USP17L2: variants seen among roughly 807,000 people sequenced by gnomAD.
USP17L2 encodes the protein ubiquitin specific peptidase 17 like family member 2.
USP17L2 carries 29 observed loss-of-function variants against 39.8 expected under a neutral mutation model. That is an observed-to-expected ratio of 0.73 (90% CI 0.54 to 0.99). USP17L2 has a LOEUF of 0.99. Among genes scored for constraint, USP17L2 ranks in the 50% least tolerant of loss-of-function variants. USP17L2 has a pLI of 0.00. For synonymous variants in USP17L2, 231 were observed against 252.7 expected (o/e 0.91, Z 0.81); for missense variants, 567 against 647.2 (o/e 0.88, Z 1.35).
rs1228574776 is a variant in USP17L2, at chr8:12,136,677, T to C, written c.*491A>G. On this transcript the variant is annotated 3_prime_UTR_variant, in exon 1 of 1. Transcript: ENST00000333796. ...AAAGAAGAGCACCGTTCCTATCTTC[T>C]AAATGCATTCCAGTTTCCACTATTC... Among the ~76,000 whole-genome samples, 1 of 140,472 alleles carries C rather than the reference T, an allele frequency of 7.1e-6. No individual in the cohort carries two copies. The highest frequency in any genetic ancestry group is 1.5e-5 in the Non-Finnish European group (1 of 64,862). 92.2% of individuals were successfully genotyped at this position (140,472 alleles called of 152,430 possible). A position where few individuals can be genotyped will look rare whatever the true frequency, so the allele number is the denominator to read the frequency against.
In USP17L2 at chr8:12,137,967, T is replaced by C. The variant is rs772322528; in HGVS notation, c.794A>G (p.Lys265Arg). Reference sequence around the variant, plus strand: ...GGCAGAAGTGTGTAAAGTTAACGTCTTGGAGGCCGGCGCCCTCTGGAGACA... The same window carrying C: ...GGCAGAAGTGTGTAAAGTTAACGTCCTGGAGGCCGGCGCCCTCTGGAGACA... ...GLCLQRAPAS[K>R]TLTLHTSAKV... Residue 265 changes from lysine to arginine, a missense_variant, in exon 1 of 1, where the codon AAG (lysine) becomes AGG (arginine). This residue lies in a region of USP17L2 where 65 missense variants were observed against 84.8 expected (regional missense o/e 0.77). Transcript: ENST00000333796. 1.3e-5 allele frequency: 19 copies of C among 1,518,228 alleles called. 3 individuals are homozygous for C. The Admixed American group carries it at 1.3e-4, about 10-fold the overall frequency. 94.0% of individuals were successfully genotyped at this position (1,518,228 alleles called of 1,614,324 possible).
rs371265427 is a variant in USP17L2 at position 12,137,449 on chromosome 8, T to G, written c.1312A>C (p.Lys438Gln). 1.0e-4 allele frequency: 156 copies of G among 1,532,554 alleles called. 18 individuals are homozygous for G. In the African/African-American group the frequency reaches 2.0e-3, roughly 19 times the overall value. The allele number at this position is 1,532,554 out of a possible 1,614,324, so 94.9% of individuals were successfully genotyped here. ...GTTTTGTTTTGCTCTTGGGGGAATTTCCAGTGGTCTAAGGTGCTTTCCTGA... is the reference window on the plus strand; with the variant it reads ...GTTTTGTTTTGCTCTTGGGGGAATTGCCAGTGGTCTAAGGTGCTTTCCTGA... ...ATQESTLDHW[K>Q]FPQEQNKTKP... Residue 438 changes from lysine to glutamine, a missense_variant, in exon 1 of 1, where the codon AAA (lysine) becomes CAA (glutamine). Physicochemically the swap from Lys to Gln is moderately conservative, Grantham distance 53 (BLOSUM62 1). Transcript: ENST00000333796.
Position 12,138,255 on chromosome 8 carries a change from A to G in USP17L2, c.506T>C (p.Val169Ala), listed in dbSNP as rs1399893723. The G allele has an allele frequency of 3.0e-6, 4 of 1,350,846 alleles. 1 individual carries two copies. The highest frequency in any genetic ancestry group is 3.1e-6 in the Non-Finnish European group (3 of 976,114). The allele number at this position is 1,350,846 out of a possible 1,614,324, so 83.7% of individuals were successfully genotyped here. ...AAGGCATGCCTTTTTCATGGCATCC[A>G]CAGTGAACATGAGAAATTCATGGGC... The part of the protein sequence containing the change: ...EDAHEFLMFT[V>A]DAMKKACLPG... The change falls in exon 1 of 1, where the codon GTG (valine) becomes GCG (alanine). Residue 169 changes from valine to alanine, a missense_variant. This residue lies in a region of USP17L2 where 67 missense variants were observed against 122.8 expected (regional missense o/e 0.55). Transcript: ENST00000333796.
rs766245208 is a variant in USP17L2 at position 12,137,712 on chromosome 8, T to C, written c.1049A>G (p.Asp350Gly). ...KAQEGQWYKM[D>G]DAKVTACSIT... ...GCTACAGGCAGTGACCTTGGCATCA[T>C]CCATTTTATACCACTGGCCTTCTTG... The change falls in exon 1 of 1, where the codon GAT (aspartate) becomes GGT (glycine). Residue 350 changes from aspartate to glycine, a missense_variant. Physicochemically the swap from Asp to Gly is moderately conservative, Grantham distance 94. Around this residue, in one of 6 missense-constraint regions of USP17L2, gnomAD observed 304 missense variants for 254.7 expected, o/e 1.19. Transcript: ENST00000333796. The C allele has an allele frequency of 5.9e-6, 9 of 1,532,892 alleles. 2 individuals carry two copies. The highest frequency in any genetic ancestry group is 7.9e-6 in the Non-Finnish European group (9 of 1,134,460). The allele number at this position is 1,532,892 out of a possible 1,614,324, so 95.0% of individuals were successfully genotyped here.
rs537998574 is a variant in USP17L2, at chr8:12,138,308, A to C, written c.453T>G (p.Ala151=). 109 of 1,497,792 alleles carry C rather than the reference A, an allele frequency of 7.3e-5. 13 individuals are homozygous for C. Among genetic ancestry groups the C allele is most frequent in the Middle Eastern group, 5.0e-4 (2 of 3,978 alleles). 92.8% of individuals were successfully genotyped at this position (1,497,792 alleles called of 1,614,324 possible). A position where few individuals can be genotyped will look rare whatever the true frequency, so the allele number is the denominator to read the frequency against. Residue 151 remains alanine, a synonymous_variant, in exon 1 of 1, where the codon GCT becomes GCG. Coordinates refer to ENST00000333796, the MANE Select transcript of USP17L2 (RefSeq NM_201402.3). ...CTTCCTGCTTGCCTCTATGGAAGCCAGCAGCCAATGCCTGTGAGGGCTGGA... is the reference window on the plus strand; with the variant it reads ...CTTCCTGCTTGCCTCTATGGAAGCCCGCAGCCAATGCCTGTGAGGGCTGGA... ...HVIQPSQALA[A]GFHRGKQEDA...
rs1172179702 is a variant in USP17L2, at chr8:12,137,060, T to C, written c.*108A>G. ...TCATTACTTTATGTAGGATTGACGG[T>C]GTTCGTGTTTGTGTGTGTGTGTGTG... On this transcript the variant is annotated 3_prime_UTR_variant, in exon 1 of 1. Coordinates refer to ENST00000333796, the MANE Select transcript of USP17L2 (RefSeq NM_201402.3). The C allele has an allele frequency of 4.7e-6, 6 of 1,285,104 alleles. 2 individuals carry two copies. The Admixed American group carries it at 7.6e-5, about 16-fold the overall frequency. 79.6% of individuals were successfully genotyped at this position (1,285,104 alleles called of 1,614,324 possible).
rs777137917 is a variant in USP17L2, at chr8:12,137,249, G to C, written c.1512C>G (p.Thr504=). Residue 504 remains threonine (T), a synonymous_variant, in exon 1 of 1, where the codon ACC becomes ACG. Transcript: ENST00000333796. The part of the protein sequence containing the change: ...RTDQESVNTG[T]LASLQGRTRR... ...TGGTCCTCCCTTGCAGAGAAGCGAG[G>C]GTGCCAGTGTTCACGGACTCCTGAT... is the stretch of plus-strand genomic sequence containing the variant. 1.3e-6 allele frequency: 2 copies of C among 1,530,598 alleles called. No individual in the cohort carries two copies. The highest frequency in any genetic ancestry group is 1.8e-6 in the Non-Finnish European group (2 of 1,135,042). The allele number at this position is 1,530,598 out of a possible 1,614,324, so 94.8% of individuals were successfully genotyped here. A position where few individuals can be genotyped will look rare whatever the true frequency, so the allele number is the denominator to read the frequency against.
chr8:12,136,794 G>C lies in USP17L2; in HGVS notation c.*374C>G, dbSNP rs1157110027. 7.1e-6 allele frequency among the ~76,000 whole-genome samples: 1 copy of C among 140,504 alleles called. No homozygotes were observed. Among genetic ancestry groups the C allele is most frequent in the Non-Finnish European group, 1.5e-5 (1 of 64,852 alleles). 92.2% of individuals were successfully genotyped at this position (140,504 alleles called of 152,430 possible). A position where few individuals can be genotyped will look rare whatever the true frequency, so the allele number is the denominator to read the frequency against. On this transcript the variant is annotated 3_prime_UTR_variant, in exon 1 of 1. Transcript: ENST00000333796. ...AACTGACGAATGAAACACACCCCAA[G>C]AGAAAATAGGAAACCGAGTCCCCTG...
Position 12,137,929 on chromosome 8 carries a change from G to A in USP17L2, c.832C>T (p.Leu278Phe), listed in dbSNP as rs1430374237. 4.6e-6 allele frequency: 7 copies of A among 1,531,528 alleles called. 2 individuals carry two copies. Among genetic ancestry groups the A allele is most frequent in the African/African-American group, 1.5e-5 (1 of 68,772 alleles). 94.9% of individuals were successfully genotyped at this position (1,531,528 alleles called of 1,614,324 possible). A position where few individuals can be genotyped will look rare whatever the true frequency, so the allele number is the denominator to read the frequency against. ...TLHTSAKVLI[L>F]VLKRFSDVTG... The stretch of plus-strand genomic sequence containing the variant: ...ACATCGGAGAATCTCTTCAAGACAA[G>A]GATGAGGACCTTGGCAGAAGTGTGT... Residue 278 changes from leucine to phenylalanine, a missense_variant, in exon 1 of 1, where the codon CTT (leucine) becomes TTT (phenylalanine). Coordinates refer to ENST00000333796, the MANE Select transcript of USP17L2 (RefSeq NM_201402.3).
chr8:12,137,938 C>A lies in USP17L2; in HGVS notation c.823G>T (p.Val275Phe), dbSNP rs766574391. The change falls in exon 1 of 1, where the codon GTC becomes TTC. Residue 275 changes from valine to phenylalanine, a missense_variant. This residue lies in a region of USP17L2 where 65 missense variants were observed against 84.8 expected (regional missense o/e 0.77). Coordinates refer to ENST00000333796, the MANE Select transcript of USP17L2 (RefSeq NM_201402.3). ...KTLTLHTSAK[V>F]LILVLKRFSD... ...AATCTCTTCAAGACAAGGATGAGGA[C>A]CTTGGCAGAAGTGTGTAAAGTTAAC... 3 of 1,529,774 alleles carry A rather than the reference C, an allele frequency of 2.0e-6. No homozygotes were observed. The highest frequency in any genetic ancestry group is 2.7e-6 in the Non-Finnish European group (3 of 1,131,788). 94.8% of individuals were successfully genotyped at this position (1,529,774 alleles called of 1,614,324 possible).
chr8:12,138,343 C>A lies in USP17L2; in HGVS notation c.418G>T (p.Gly140Cys). The change falls in exon 1 of 1, where the codon GGT becomes TGT. Residue 140 changes from glycine to cysteine, a missense_variant. Gly to Cys is a radical substitution (Grantham distance 159). Around this residue, in one of 6 missense-constraint regions of USP17L2, gnomAD observed 67 missense variants for 122.8 expected, o/e 0.55. Coordinates refer to ENST00000333796, the MANE Select transcript of USP17L2 (RefSeq NM_201402.3). ...AHITWALHSPGHVIQPSQALA... is the reference protein window; with the variant it reads ...AHITWALHSPCHVIQPSQALA... The stretch of plus-strand genomic sequence containing the variant: ...GCCTGTGAGGGCTGGATGACATGAC[C>A]AGGACTGTGGAGGGCCCATGTGATG... The A allele has an allele frequency of 6.6e-7, 1 of 1,521,158 alleles. No individual in the cohort carries two copies. The highest frequency in any genetic ancestry group is 8.9e-7 in the Non-Finnish European group (1 of 1,124,390). 94.2% of individuals were successfully genotyped at this position (1,521,158 alleles called of 1,614,324 possible).
In USP17L2 at chr8:12,137,095, G is replaced by T. The variant is rs571710521; in HGVS notation, c.*73C>A. 1 of 1,432,822 alleles carries T rather than the reference G, an allele frequency of 7.0e-7. No individual in the cohort carries two copies. Among genetic ancestry groups the T allele is most frequent in the Non-Finnish European group, 9.5e-7 (1 of 1,048,780 alleles). The allele number at this position is 1,432,822 out of a possible 1,614,324, so 88.8% of individuals were successfully genotyped here. A position where few individuals can be genotyped will look rare whatever the true frequency, so the allele number is the denominator to read the frequency against. On this transcript the variant is annotated 3_prime_UTR_variant, in exon 1 of 1. Transcript: ENST00000333796. ...TGTGTGTGTGTGTGTGTTTGCGTGC[G>T]CGCTTGTGGGTGTATTTGTGCGTGT...
At position 12,137,524 on chromosome 8, in the gene USP17L2, G is replaced by A. The variant is rs758421226; in HGVS notation, c.1237C>T (p.Pro413Ser). ...ATQGELKRDH[P>S]CLQAPELDER... ...TCCAACTCGGGTGCCTGGAGGCAGG[G>A]GTGGTCTCTCTTGAGCTCTCCTTGC... Residue 413 changes from proline to serine, a missense_variant, in exon 1 of 1, where the codon CCC becomes TCC. Pro to Ser is a moderately conservative substitution (Grantham distance 74). This residue lies in a region of USP17L2 where 304 missense variants were observed against 254.7 expected (regional missense o/e 1.19). Coordinates refer to ENST00000333796, the MANE Select transcript of USP17L2 (RefSeq NM_201402.3). The A allele has an allele frequency of 3.9e-6, 6 of 1,533,174 alleles. 2 individuals carry two copies. The highest frequency in any genetic ancestry group is 1.5e-5 in the African/African-American group (1 of 68,210). 95.0% of individuals were successfully genotyped at this position (1,533,174 alleles called of 1,614,324 possible).
At position 12,137,075 on chromosome 8, in the gene USP17L2, G is replaced by A. The variant is rs1324139967; in HGVS notation, c.*93C>T. ...GGATTGACGGTGTTCGTGTTTGTGT[G>A]TGTGTGTGTGTTTGCGTGCGCGCTT... On this transcript the variant is annotated 3_prime_UTR_variant, in exon 1 of 1. Coordinates refer to ENST00000333796, the MANE Select transcript of USP17L2 (RefSeq NM_201402.3). 22 of 1,349,992 alleles carry A rather than the reference G, an allele frequency of 1.6e-5. 4 individuals are homozygous for A. The East Asian group carries it at 3.8e-4, about 23-fold the overall frequency. 83.6% of individuals were successfully genotyped at this position (1,349,992 alleles called of 1,614,324 possible).
chr8:12,137,775 C>T lies in USP17L2; in HGVS notation c.986G>A (p.Ser329Asn), dbSNP rs779341663. 3 of 1,491,602 alleles carry T rather than the reference C, an allele frequency of 2.0e-6. No homozygotes were observed. Among genetic ancestry groups the T allele is most frequent in the Non-Finnish European group, 2.7e-6 (3 of 1,099,626 alleles). The allele number at this position is 1,491,602 out of a possible 1,614,324, so 92.4% of individuals were successfully genotyped here. A position where few individuals can be genotyped will look rare whatever the true frequency, so the allele number is the denominator to read the frequency against. ...LYAVLVHAGW[S>N]CHDGHYFSYV... ...AGAGAAGTAATGTCCGTCGTGACAACTCCACCCAGCGTGGACCAGCACAGC... is the reference window on the plus strand; with the variant it reads ...AGAGAAGTAATGTCCGTCGTGACAATTCCACCCAGCGTGGACCAGCACAGC... The change falls in exon 1 of 1, where the codon AGT becomes AAT. Residue 329 changes from serine (S) to asparagine (N), a missense_variant. Around this residue, in one of 6 missense-constraint regions of USP17L2, gnomAD observed 304 missense variants for 254.7 expected, o/e 1.19. Coordinates refer to ENST00000333796, the MANE Select transcript of USP17L2 (RefSeq NM_201402.3).
In USP17L2 at chr8:12,137,119, G is replaced by C. The variant is rs1204991718; in HGVS notation, c.*49C>G. 3.3e-6 allele frequency: 5 copies of C among 1,493,480 alleles called. No individual in the cohort carries two copies. In the Admixed American group the frequency reaches 7.2e-5, roughly 21 times the overall value. The allele number at this position is 1,493,480 out of a possible 1,614,324, so 92.5% of individuals were successfully genotyped here. The stretch of plus-strand genomic sequence containing the variant: ...CGCGCTTGTGGGTGTATTTGTGCGT[G>C]TGTGTGTGTGCGTTCACCCCTACGT... On this transcript the variant is annotated 3_prime_UTR_variant, in exon 1 of 1. Coordinates refer to ENST00000333796, the MANE Select transcript of USP17L2 (RefSeq NM_201402.3).
rs770669355 is a variant in USP17L2 at position 12,138,751 on chromosome 8, C to T, written c.10G>A (p.Asp4Asn). 5.2e-6 allele frequency: 7 copies of T among 1,344,878 alleles called. 2 individuals are homozygous for T. The South Asian group carries it at 7.8e-5, about 15-fold the overall frequency. The allele number at this position is 1,344,878 out of a possible 1,614,324, so 83.3% of individuals were successfully genotyped here. Reference sequence around the variant, plus strand: ...CACTCACCTCCCAAGTAGAGTGAGTCGTCCTCCATGTCGCCCGCAACAAGG... The same window carrying T: ...CACTCACCTCCCAAGTAGAGTGAGTTGTCCTCCATGTCGCCCGCAACAAGG... MED[D>N]SLYLGGEWQF... is the part of the protein sequence containing the mutation. The change falls in exon 1 of 1, where the codon GAC becomes AAC. Residue 4 changes from aspartate (D) to asparagine (N), a missense_variant. Physicochemically the swap from Asp to Asn is conservative, Grantham distance 23. Coordinates refer to ENST00000333796, the MANE Select transcript of USP17L2 (RefSeq NM_201402.3).
rs1312556005 is a variant in USP17L2 at position 12,137,951 on chromosome 8, G to T, written c.810C>A (p.His270Gln). 3 of 1,526,574 alleles carry T rather than the reference G, an allele frequency of 2.0e-6. No homozygotes were observed. The highest frequency in any genetic ancestry group is 2.6e-5 in the East Asian group (1 of 38,808). The allele number at this position is 1,526,574 out of a possible 1,614,324, so 94.6% of individuals were successfully genotyped here. A position where few individuals can be genotyped will look rare whatever the true frequency, so the allele number is the denominator to read the frequency against. Residue 270 changes from histidine to glutamine, a missense_variant, in exon 1 of 1, where the codon CAC (histidine) becomes CAA (glutamine). His to Gln is a conservative substitution (Grantham distance 24). Coordinates refer to ENST00000333796, the MANE Select transcript of USP17L2 (RefSeq NM_201402.3). ...RAPASKTLTLHTSAKVLILVL... is the reference protein window; with the variant it reads ...RAPASKTLTLQTSAKVLILVL... The stretch of plus-strand genomic sequence containing the variant: ...CAAGGATGAGGACCTTGGCAGAAGT[G>T]TGTAAAGTTAACGTCTTGGAGGCCG...
At position 12,138,659 on chromosome 8, in the gene USP17L2, C is replaced by G. The variant is rs775364406; in HGVS notation, c.102G>C (p.Arg34=). The part of the protein sequence containing the change: ...RPDAAFAEIQ[R]TSLPEKSPLS... ...GTGGTGACTTCTCAGGGAGAGAAGT[C>G]CGCTGGATTTCAGCAAAAGCTGCAT... The change falls in exon 1 of 1, where the codon CGG becomes CGC. Residue 34 remains arginine, a synonymous_variant. Transcript: ENST00000333796. 9.2e-6 allele frequency: 14 copies of G among 1,523,334 alleles called. 4 individuals carry two copies. The South Asian group carries it at 1.2e-4, about 13-fold the overall frequency. The allele number at this position is 1,523,334 out of a possible 1,614,324, so 94.4% of individuals were successfully genotyped here. A position where few individuals can be genotyped will look rare whatever the true frequency, so the allele number is the denominator to read the frequency against.
Sources: allele counts gnomAD v4.1 joint callset (sites outside exome capture counted in the v4.1 genomes callset), GRCh38; gene constraint gnomAD v4.1.1; regional missense constraint gnomAD v4.1.1; transcripts MANE v1.5; gene names NCBI Gene and HGNC (gene_info 2026-07-23, HGNC 2026-07-21).